PRORP: variants seen among roughly 807,000 people sequenced by gnomAD.
The protein encoded by PRORP is mitochondrial ribonuclease P catalytic subunit.
PRORP carries 51 observed loss-of-function variants against 59.4 expected under a neutral mutation model. That is an observed-to-expected ratio of 0.86 (90% confidence interval 0.69 to 1.08). The LOEUF is 1.08. PRORP is among the 50% of genes least tolerant of loss of function. PRORP has a pLI of 0.00. For synonymous variants in PRORP, 231 were observed against 245.6 expected, an observed-to-expected ratio of 0.94 and a Z score of 0.55; for missense variants, 646 against 690.3, an observed-to-expected ratio of 0.94 and a Z score of 0.72.
At chr14:35,249,535 A>G (rs2050563162) in intron 5 of PRORP, among the ~76,000 whole-genome samples, 1 of 152,200 alleles carries the variant, frequency 6.6e-6, no homozygotes, top group Non-Finnish European at 1.5e-5. Flanking sequence ...ACCACAATGA[A>G]CCATGATCAT....
rs990769804 is a variant in PRORP, at chr14:35,138,122, C to T, written c.1167+10511C>T. Reference sequence around the variant, plus strand: ...CTCTCTTTGGCTTGCCGATGGCTACCTTCTTGTGGTATCTTCACATGGCCT... The same window carrying T: ...CTCTCTTTGGCTTGCCGATGGCTACTTTCTTGTGGTATCTTCACATGGCCT... On this transcript the variant is annotated intron_variant, in intron 4 of 7. Transcript: ENST00000534898. Among the ~76,000 whole-genome samples the T allele has an allele frequency of 4.1e-5, 6 of 145,636 alleles. 1 individual carries two copies. Among genetic ancestry groups the T allele is most frequent in the Non-Finnish European group, 7.6e-5 (5 of 65,538 alleles).
intron 4 of PRORP, chr14:35,143,891 G>T (rs1030509735): frequency 6.9e-6 from 1 of 144,614 alleles, no homozygotes; most frequent in Non-Finnish European, 1.5e-5. Flanking sequence ...CAGGTGATCC[G>T]CCCACCGCAG....
At chr14:35,124,956 CTCCCGGGTTTT>C (rs2047061394) in intron 2 of PRORP, among the ~76,000 whole-genome samples, 1 of 150,716 alleles carries the variant, frequency 6.6e-6, no homozygotes, top group African/African-American at 2.4e-5. Context: ...TAACCTTTGC[CTCCCGGGTTTT>C]CTCCTGCCTC....
intron 5 of PRORP, among the ~76,000 whole-genome samples, chr14:35,245,553 G>A (rs4982249): frequency 0.54 from 81,365 of 152,022 alleles, 23,450 homozygotes; most frequent in East Asian, 0.75. Context: ...GCTGAGGAAG[G>A]AGGATCGCTT....
intron 5 of PRORP, among the ~76,000 whole-genome samples, chr14:35,238,765 C>T (rs2050285053): frequency 6.6e-6 from 1 of 152,064 alleles, no homozygotes; most frequent in African/African-American, 2.4e-5. Flanking sequence ...TCTGAAGGGC[C>T]AGAAACCAAA....
In PRORP at chr14:35,126,756, A is replaced by G; in HGVS notation, c.1008A>G (p.Lys336=). The G allele has an allele frequency of 6.2e-7, 1 of 1,611,086 alleles. No homozygotes were observed. The highest frequency in any genetic ancestry group is 8.5e-7 in the Non-Finnish European group (1 of 1,178,284). ...WFESVPGKQW[K]GQFTTVRKSG... ...ATAGTGTTCCTGGAAAACAATGGAA[A>G]GGACAATTCACCACAGTCCGAAAAA... Residue 336 remains lysine (K), a synonymous_variant, in exon 3 of 8, where the codon AAA becomes AAG. Transcript: ENST00000534898.
chr14:35,131,280 A>G (rs1167903476), intron 4 of PRORP, among the ~76,000 whole-genome samples: 1 of 152,072 alleles, frequency 6.6e-6, no homozygotes, highest in Non-Finnish European at 1.5e-5. Flanking sequence ...CTTAGCATTT[A>G]TTGTAGGATA....
intron 4 of PRORP, among the ~76,000 whole-genome samples, chr14:35,172,497 TCCC>T (rs1427850818): frequency 0.069 from 3,863 of 56,338 alleles, 247 homozygotes; most frequent in African/African-American, 0.16. Flanking sequence ...CCTTCCTCTC[TCCC>T]TCTCTCCCTC....
chr14:35,137,616 G>A lies in PRORP; in HGVS notation c.1167+10005G>A, dbSNP rs188852318. On this transcript the variant is annotated intron_variant, in intron 4 of 7. Transcript: ENST00000534898. ...ATTATGGCAGAGGGTGGGTGCTGAG[G>A]TTTGAATCTGTGAATCTGTAGACAT... Among the ~76,000 whole-genome samples the A allele has an allele frequency of 2.7e-3, 392 of 145,364 alleles. 14 individuals carry two copies. Among genetic ancestry groups the A allele is most frequent in the African/African-American group, 8.5e-3 (349 of 41,128 alleles).
At chr14:35,190,729 C>T (rs1320026622) in intron 5 of PRORP, among the ~76,000 whole-genome samples, 1 of 152,058 alleles carries the variant, frequency 6.6e-6, no homozygotes, top group Non-Finnish European at 1.5e-5. Flanking sequence ...TGGTCTCAAT[C>T]TCCTGACCTC....
intron 5 of PRORP, among the ~76,000 whole-genome samples, chr14:35,242,612 T>C (rs2050394945): frequency 6.6e-6 from 1 of 152,234 alleles, no homozygotes; most frequent in Admixed American, 6.5e-5. Context: ...ATTTTGCACA[T>C]ATATGGCATA....
rs538769367 is a variant in PRORP, at chr14:35,239,665, T to G, written c.1276-27062T>G. On this transcript the variant is annotated intron_variant, in intron 5 of 7. Transcript: ENST00000534898. ...ATTGTTTCTTTGGCATTTCAGACGT[T>G]GCCTGCAAGCATTCTGTGAATGAAG... Among the ~76,000 whole-genome samples the G allele has an allele frequency of 9.8e-5, 15 of 152,366 alleles. No individual in the cohort carries two copies. In the East Asian group the frequency reaches 2.5e-3, roughly 25 times the overall value.
At chr14:35,181,030 TC>T (rs1341230658) in intron 5 of PRORP, among the ~76,000 whole-genome samples, 2 of 152,202 alleles carry the variant, frequency 1.3e-5, no homozygotes, top group African/African-American at 4.8e-5. Context: ...GGCCAGATTT[TC>T]CCGTTTCGTG....
intron 5 of PRORP, among the ~76,000 whole-genome samples, chr14:35,246,063 C>G (rs1010678928): frequency 2.0e-5 from 3 of 152,146 alleles, no homozygotes; most frequent in African/African-American, 7.2e-5. Context: ...CTCTTGAAGT[C>G]TGAAGACATT....
At chr14:35,239,041 C>T (rs1030400449) in intron 5 of PRORP, among the ~76,000 whole-genome samples, 3 of 152,028 alleles carry the variant, frequency 2.0e-5, no homozygotes, top group Non-Finnish European at 4.4e-5. Flanking sequence ...GTGACTTGCC[C>T]AGAGGTAACA....
rs1316866406 is a variant in PRORP, at chr14:35,138,972, G to A, written c.1167+11361G>A. On this transcript the variant is annotated intron_variant, in intron 4 of 7. Coordinates refer to ENST00000534898, the MANE Select transcript of PRORP (RefSeq NM_014672.4). ...TGCCTGGCTAATTTTTGTATTTTTT[G>A]TAGAGACGGGGTTTTACCATGTTGG... Among the ~76,000 whole-genome samples the A allele has an allele frequency of 1.4e-5, 2 of 144,726 alleles. 1 individual carries two copies. Among genetic ancestry groups the A allele is most frequent in the Admixed American group, 1.4e-4 (2 of 13,848 alleles). The allele number at this position is 144,726 out of a possible 152,430, so 94.9% of individuals were successfully genotyped here. A position where few individuals can be genotyped will look rare whatever the true frequency, so the allele number is the denominator to read the frequency against.
chr14:35,193,310 G>A (rs2048930175), intron 5 of PRORP, among the ~76,000 whole-genome samples: 1 of 152,212 alleles, frequency 6.6e-6, no homozygotes, highest in African/African-American at 2.4e-5. Context: ...GCTGACACCA[G>A]CACTGAATGC....
chr14:35,146,077 C>T (rs1358757856), intron 4 of PRORP, among the ~76,000 whole-genome samples: 1 of 151,872 alleles, frequency 6.6e-6, no homozygotes, highest in Non-Finnish European at 1.5e-5. Flanking sequence ...GTGATCCGCC[C>T]GCCTCGGCCT....
At chr14:35,201,976 T>TA (rs2049164662) in intron 5 of PRORP, among the ~76,000 whole-genome samples, 1 of 150,208 alleles carries the variant, frequency 6.7e-6, no homozygotes. Flanking sequence ...ATTATTATTT[T>TA]TTTTTTTTTT....
Sources: gnomAD v4.1 joint callset for allele counts (sites outside exome capture counted in the v4.1 genomes callset) on GRCh38, gnomAD v4.1.1 for gene constraint, MANE v1.5 for transcripts, NCBI Gene and HGNC (gene_info 2026-07-23, HGNC 2026-07-21) for gene names.